The following UBE3C variants were observed in gnomAD, a reference collection of about 807,000 sequenced individuals.
The protein encoded by UBE3C is ubiquitin-protein ligase E3C.
In UBE3C, 42 loss-of-function variants were observed where a neutral mutation model predicts 129.4. That is an observed-to-expected ratio of 0.32 (90% CI 0.25 to 0.42). The LOEUF (loss-of-function observed/expected upper bound fraction) is 0.42, where lower values mean the gene tolerates loss of function less well. UBE3C is among the 10% of genes least tolerant of loss of function. The pLI, the probability that UBE3C is intolerant of heterozygous loss-of-function variation, is 1.00. For missense variants in UBE3C, 1,049 were observed against 1,319.1 expected (o/e 0.80, Z 3.17); for synonymous variants, 510 against 492.4 (o/e 1.04, Z -0.47).
chr7:157,167,607 G>A (rs535763814), intron 2 of UBE3C, among the ~76,000 whole-genome samples: 28 of 151,286 alleles, frequency 1.9e-4, no homozygotes, highest in African/African-American at 6.8e-4. Context: ...GCGCGATCTC[G>A]GCTCACTGCA....
At chr7:157,267,523 A>G in intron 22 of UBE3C, 62 bp from the exon 23 acceptor site, 2 of 1,590,544 alleles carry the variant, frequency 1.3e-6, no homozygotes, top group Admixed American at 1.8e-5. Flanking sequence ...TGTACTTTGT[A>G]TTAAAACTCA....
chr7:157,168,084 G>C (rs558164302), intron 2 of UBE3C, among the ~76,000 whole-genome samples: 416 of 152,114 alleles, frequency 2.7e-3, no homozygotes, highest in African/African-American at 9.8e-3. Flanking sequence ...GGGCACGGTG[G>C]CTCATGCCTG....
chr7:157,138,973 C>T lies in UBE3C; in HGVS notation c.-300C>T, dbSNP rs1473625416. On this transcript the variant is annotated 5_prime_UTR_variant, in exon 1 of 23. Transcript: ENST00000348165. ...CATCTTCCCTCCCGAGGCGGCAGTTCCAGGTGCAAGCGCCGGGTTTGCTGC... is the reference window on the plus strand; with the variant it reads ...CATCTTCCCTCCCGAGGCGGCAGTTTCAGGTGCAAGCGCCGGGTTTGCTGC... 4 of 152,594 alleles carry T rather than the reference C, an allele frequency of 2.6e-5. No homozygotes were observed. Among genetic ancestry groups the T allele is most frequent in the African/African-American group, 7.2e-5 (3 of 41,428 alleles). The allele number at this position is 152,594 out of a possible 1,614,324, so 9.5% of individuals were successfully genotyped here.
intron 22 of UBE3C, among the ~76,000 whole-genome samples, chr7:157,264,406 T>TACAC (rs56147121): frequency 5.3e-4 from 57 of 107,590 alleles, no homozygotes; most frequent in African/African-American, 2.0e-3. Flanking sequence ...CTCGGCCTGT[T>TACAC]ACACACACAC....
intron 9 of UBE3C, among the ~76,000 whole-genome samples, chr7:157,184,967 T>A (rs1808768730): frequency 6.6e-6 from 1 of 152,202 alleles, no homozygotes; most frequent in Non-Finnish European, 1.5e-5. Flanking sequence ...GGACAGTGGA[T>A]GCTGGAACTG....
chr7:157,183,936 T>G lies in UBE3C; in HGVS notation c.1050T>G (p.Ser350=). 1 of 1,614,232 alleles carries G rather than the reference T, an allele frequency of 6.2e-7. No homozygotes were observed. Among genetic ancestry groups the G allele is most frequent in the South Asian group, 1.1e-5 (1 of 91,088 alleles). Residue 350 remains serine (S), a synonymous_variant, in exon 9 of 23, where the codon TCT becomes TCG. Transcript: ENST00000348165. ...VYLRVLQTFL[S]QLPVSPASAS... is the part of the protein sequence containing the mutation. The stretch of plus-strand genomic sequence containing the variant: ...TGCGGGTGCTGCAGACCTTCCTCTC[T>G]CAGTTACCAGTCTCTCCTGCCAGCG...
chr7:157,211,346 TC>T (rs1809590424), intron 13 of UBE3C, among the ~76,000 whole-genome samples: 1 of 152,206 alleles, frequency 6.6e-6, no homozygotes, highest in South Asian at 2.1e-4. Context: ...AACCAAGAGA[TC>T]CAAAGCTTGT....
At position 157,267,699 on chromosome 7, in the gene UBE3C, T is replaced by G; in HGVS notation, c.3196T>G (p.Leu1066Val). The G allele has an allele frequency of 6.2e-7, 1 of 1,613,448 alleles. No individual in the cohort carries two copies. Residue 1066 changes from leucine to valine, a missense_variant, in exon 23 of 23, where the codon TTG becomes GTG. This residue lies in a region of UBE3C where 243 missense variants were observed against 368.7 expected (regional missense o/e 0.66). Coordinates refer to ENST00000348165, the MANE Select transcript of UBE3C (RefSeq NM_014671.3). ...KLPEFYDETL[L>V]RSKLLYAIEC... The stretch of plus-strand genomic sequence containing the variant: ...CCCCGAGTTCTATGACGAGACACTT[T>G]TGCGAAGTAAACTTCTCTATGCGAT...
intron 4 of UBE3C, among the ~76,000 whole-genome samples, 169 bp downstream of exon 4, chr7:157,170,619 C>T (rs1373510354): frequency 6.6e-6 from 1 of 152,118 alleles, no homozygotes; most frequent in Non-Finnish European, 1.5e-5. Flanking sequence ...TGTGTTTTAC[C>T]TCTTAAAATT....
In UBE3C at chr7:157,149,215, C is replaced by G. The variant is rs539727627; in HGVS notation, c.66+9877C>G. 3.4e-4 allele frequency among the ~76,000 whole-genome samples: 51 copies of G among 152,234 alleles called. 1 individual carries two copies. The Middle Eastern group carries it at 0.01, about 30-fold the overall frequency. ...GGGATTACAGGTGCCTGCCACCACA[C>G]CCAGCTAATTTTTCTATTTTTAGTA... On this transcript the variant is annotated intron_variant, in intron 1 of 22. Transcript: ENST00000348165.
chr7:157,154,640 A>G (rs1454033360), intron 1 of UBE3C, among the ~76,000 whole-genome samples: 1 of 152,226 alleles, frequency 6.6e-6, no homozygotes, highest in Non-Finnish European at 1.5e-5. Flanking sequence ...GAGTTTTGCT[A>G]TTAAAATAGT....
intron 21 of UBE3C, among the ~76,000 whole-genome samples, chr7:157,256,105 T>G (rs965428314): frequency 6.6e-6 from 1 of 152,140 alleles, no homozygotes; most frequent in African/African-American, 2.4e-5. Context: ...GCATTCATCT[T>G]TATAGTTACA....
chr7:157,183,482 T>G (rs550284827), intron 8 of UBE3C, among the ~76,000 whole-genome samples: 76 of 152,256 alleles, frequency 5.0e-4, no homozygotes, highest in Non-Finnish European at 7.6e-4. Flanking sequence ...TTATGGTGCT[T>G]CTTCTCCAGT....
intron 18 of UBE3C, among the ~76,000 whole-genome samples, chr7:157,242,820 G>T (rs1182992779): frequency 1.3e-5 from 2 of 152,094 alleles, no homozygotes; most frequent in Non-Finnish European, 2.9e-5. Context: ...ACTTTGGGAG[G>T]CCAAGGCGGG....
At chr7:157,231,008 C>G (rs974532804) in intron 17 of UBE3C, 72 bp from the exon 18 acceptor site, 101 of 1,578,722 alleles carry the variant, frequency 6.4e-5, no homozygotes, top group Middle Eastern at 2.3e-4. Flanking sequence ...TTAAGCCTTC[C>G]TGTAAGGCTA....
chr7:157,188,914 T>A (rs760913537), intron 10 of UBE3C: 1 of 652,912 alleles, frequency 1.5e-6, no homozygotes. Context: ...GAGTTAGGAT[T>A]TGCCATTTAA....
At chr7:157,140,612 G>A (rs759458495) in intron 1 of UBE3C, among the ~76,000 whole-genome samples, 49 of 152,326 alleles carry the variant, frequency 3.2e-4, no homozygotes, top group Non-Finnish European at 5.0e-4. Context: ...TTCGGAAGGT[G>A]AGCTGCAGAA....
At chr7:157,227,619 G>A (rs1484202901) in intron 17 of UBE3C, among the ~76,000 whole-genome samples, 1 of 151,960 alleles carries the variant, frequency 6.6e-6, no homozygotes, top group East Asian at 1.9e-4. Context: ...AGAATGGCAT[G>A]AACCCGGGAG....
At chr7:157,171,546 CAGATGCAT>C (rs1324767041) in intron 4 of UBE3C, among the ~76,000 whole-genome samples, 1 of 151,132 alleles carries the variant, frequency 6.6e-6, no homozygotes, top group African/African-American at 2.4e-5. Flanking sequence ...AAAATACAAC[CAGATGCAT>C]AGAAGAATAA....
Sources: allele counts gnomAD v4.1 joint callset (sites outside exome capture counted in the v4.1 genomes callset), GRCh38; gene constraint gnomAD v4.1.1; regional missense constraint gnomAD v4.1.1; transcripts MANE v1.5; gene names NCBI Gene and HGNC (gene_info 2026-07-23, HGNC 2026-07-21).